Variants in KHDC4 observed in about 807,000 individuals in gnomAD.
KHDC4 encodes the protein KH domain containing 4, pre-mRNA splicing factor.
A neutral mutation model predicts 74.5 loss-of-function variants in KHDC4; 19 were observed. The observed-to-expected ratio is 0.26, with a 90% CI of 0.18 to 0.37. The LOEUF (loss-of-function observed/expected upper bound fraction) is 0.37, where lower values mean the gene tolerates loss of function less well. Among genes scored for constraint, KHDC4 ranks in the 10% least tolerant of loss-of-function variants. The pLI is 1.00. For synonymous variants in KHDC4, 253 were observed against 266.1 expected, an observed-to-expected ratio of 0.95 and a Z score of 0.48; for missense variants, 632 against 754.1, an observed-to-expected ratio of 0.84 and a Z score of 1.90.
intron 7 of KHDC4, 128 bp from the exon 8 acceptor site, chr1:155,923,815 C>T: frequency 1.6e-6 from 1 of 639,170 alleles, no homozygotes; most frequent in Non-Finnish European, 2.8e-6. Context: ...ATCTAGGCCT[C>T]TGAAAATCAC....
chr1:155,932,534 A>AG (rs1167825330), intron 2 of KHDC4: 2 of 151,980 alleles, frequency 1.3e-5, no homozygotes, highest in African/African-American at 4.9e-5. Flanking sequence ...TATTATTTTA[A>AG]GAAAAAAAAA....
intron 4 of KHDC4, 24 bp downstream of exon 4, chr1:155,929,272 T>C (rs753720721): frequency 2.6e-6 from 4 of 1,555,966 alleles, no homozygotes; most frequent in East Asian, 2.2e-5. Context: ...AACCCTTCCA[T>C]AAACAAGATA....
Position 155,925,757 on chromosome 1 carries a change from G to A in KHDC4, c.768C>T (p.Gly256=). 6.2e-7 allele frequency: 1 copy of A among 1,614,164 alleles called. No individual in the cohort carries two copies. The highest frequency in any genetic ancestry group is 1.1e-5 in the South Asian group (1 of 91,086). ...TCTGAATGTGCTGCAAATAGGAGCA[G>A]CCTGGACCTTCCACCTTCTCCTTGA... is the stretch of plus-strand genomic sequence containing the variant. ...FNVKEKVEGP[G]CSYLQHIQIE... is the part of the protein sequence containing the mutation. Residue 256 remains glycine, a synonymous_variant, in exon 7 of 14, where the codon GGC becomes GGT. Coordinates refer to ENST00000368321, the MANE Select transcript of KHDC4 (RefSeq NM_014949.4).
intron 10 of KHDC4, chr1:155,919,913 G>T: frequency 2.1e-6 from 1 of 470,146 alleles, no homozygotes; most frequent in Admixed American, 2.2e-5. Flanking sequence ...GTTACACACT[G>T]TGCAACCCCC....
At chr1:155,922,395 T>C (rs540351309) in intron 8 of KHDC4, among the ~76,000 whole-genome samples, 19 of 152,306 alleles carry the variant, frequency 1.2e-4, no homozygotes, top group Non-Finnish European at 2.4e-4. Context: ...TCTGCCCGCC[T>C]TGGCCTCCCA....
In KHDC4 at chr1:155,918,805, T is replaced by C. The variant is rs140686063; in HGVS notation, c.1267-1133A>G. Reference sequence around the variant, plus strand: ...AACACAGCTAACGTTTACTGACAGATTGGATCATCTTACTTAATCCTTGCA... The same window carrying C: ...AACACAGCTAACGTTTACTGACAGACTGGATCATCTTACTTAATCCTTGCA... On this transcript the variant is annotated intron_variant, in intron 10 of 13. Transcript: ENST00000368321. Among the ~76,000 whole-genome samples the C allele has an allele frequency of 5.9e-5, 9 of 152,280 alleles. 1 individual carries two copies. The highest frequency in any genetic ancestry group is 4.1e-4 in the South Asian group (2 of 4,828).
At chr1:155,916,558 T>C in intron 12 of KHDC4, 67 bp downstream of exon 12, 2 of 1,025,148 alleles carry the variant, frequency 2.0e-6, no homozygotes, top group South Asian at 2.7e-5. Context: ...ATAGCAATGA[T>C]CATTACTCTC....
intron 8 of KHDC4, among the ~76,000 whole-genome samples, chr1:155,923,199 A>G (rs1417167329): frequency 6.6e-6 from 1 of 152,186 alleles, no homozygotes; most frequent in Non-Finnish European, 1.5e-5. Flanking sequence ...AAAAAAAAAA[A>G]AAAGACAGTC....
At chr1:155,924,533 A>C (rs1455803450) in intron 7 of KHDC4, among the ~76,000 whole-genome samples, 1 of 150,650 alleles carries the variant, frequency 6.6e-6, no homozygotes, top group Non-Finnish European at 1.5e-5. Flanking sequence ...AAGGACTTGA[A>C]TACTAAAGAG....
chr1:155,915,918 C>T lies in KHDC4; in HGVS notation c.1600G>A (p.Glu534Lys), dbSNP rs775014820. The change falls in exon 13 of 14, where the codon GAG becomes AAG. Residue 534 changes from glutamate (E) to lysine (K), a missense_variant. By Grantham distance (56) the Glu-to-Lys change is moderately conservative. Coordinates refer to ENST00000368321, the MANE Select transcript of KHDC4 (RefSeq NM_014949.4). Reference protein sequence around the residue: ...PAFPVTGIKTESDERNGSGTL... With the variant: ...PAFPVTGIKTKSDERNGSGTL... Reference sequence around the variant, plus strand: ...CCAGACCCATTCCTTTCATCGGACTCTGTTTTTATTCCAGTCACTGGAAAG... The same window carrying T: ...CCAGACCCATTCCTTTCATCGGACTTTGTTTTTATTCCAGTCACTGGAAAG... 1 of 1,601,724 alleles carries T rather than the reference C, an allele frequency of 6.2e-7. No individual in the cohort carries two copies. The highest frequency in any genetic ancestry group is 8.5e-7 in the Non-Finnish European group (1 of 1,176,002).
At chr1:155,925,501 C>T in intron 7 of KHDC4, 131 bp downstream of exon 7, 1 of 721,052 alleles carries the variant, frequency 1.4e-6, no homozygotes, top group Admixed American at 2.4e-5. Context: ...AAAGTAATTA[C>T]TCCTAGCATT....
chr1:155,929,500 A>G, intron 3 of KHDC4, 125 bp from the exon 4 acceptor site: 1 of 1,004,868 alleles, frequency 1.0e-6, no homozygotes, highest in Admixed American at 2.5e-5. Flanking sequence ...TGTATCTGAA[A>G]TTTTGATTCC....
In KHDC4 at chr1:155,917,645, C is replaced by T. The variant is rs540646386; in HGVS notation, c.1294G>A (p.Ala432Thr). The T allele has an allele frequency of 5.0e-5, 80 of 1,586,826 alleles. No homozygotes were observed. The highest frequency in any genetic ancestry group is 3.3e-4 in the South Asian group (29 of 88,250). Residue 432 changes from alanine to threonine, a missense_variant, in exon 11 of 14, where the codon GCT becomes ACT. Ala to Thr is a moderately conservative substitution (Grantham distance 58, BLOSUM62 0). This residue lies in a region of KHDC4 where 254 missense variants were observed against 267.4 expected (regional missense o/e 0.95). Coordinates refer to ENST00000368321, the MANE Select transcript of KHDC4 (RefSeq NM_014949.4). ...GGCAAGGCAGTTTTGACAGGAGCAGCAGGAATAAAAGGACCACCCATCGGA... is the reference window on the plus strand; with the variant it reads ...GGCAAGGCAGTTTTGACAGGAGCAGTAGGAATAAAAGGACCACCCATCGGA... The part of the protein sequence containing the change: ...QSPMGGPFIP[A>T]APVKTALPAG...
At chr1:155,925,596 A>C in intron 7 of KHDC4, 36 bp downstream of exon 7, 1 of 1,562,616 alleles carries the variant, frequency 6.4e-7, no homozygotes, top group Non-Finnish European at 8.8e-7. Flanking sequence ...ACAAGTTGAC[A>C]AGAATTCACA....
Position 155,923,919 on chromosome 1 carries a change from C to T in KHDC4, c.894-232G>A, listed in dbSNP as rs183209253. On this transcript the variant is annotated intron_variant, in intron 7 of 13. Transcript: ENST00000368321. The stretch of plus-strand genomic sequence containing the variant: ...TCTTTCTCTGAGTAATGGTACTTCT[C>T]GATATAAAAATGTTTAAAGTTCATA... 2.1e-4 allele frequency among the ~76,000 whole-genome samples: 32 copies of T among 152,130 alleles called. No homozygotes were observed. The East Asian group carries it at 5.6e-3, about 27-fold the overall frequency.
chr1:155,923,788 C>G, intron 7 of KHDC4, 101 bp from the exon 8 acceptor site: 1 of 830,118 alleles, frequency 1.2e-6, no homozygotes, highest in Non-Finnish European at 2.0e-6. Flanking sequence ...TACATTAATA[C>G]ATTCACTGTA....
Position 155,929,391 on chromosome 1 carries a change from T to C in KHDC4, c.385-16A>G. On this transcript the variant is annotated splice_polypyrimidine_tract_variant and intron_variant, in intron 3 of 13. Coordinates refer to ENST00000368321, the MANE Select transcript of KHDC4 (RefSeq NM_014949.4). ...GTCGGCTGATCTAAAAAAGGAAATG[T>C]TCAATTAAAAAAATGTGGCAATTGG... The C allele has an allele frequency of 6.2e-7, 1 of 1,605,682 alleles. No homozygotes were observed. Among genetic ancestry groups the C allele is most frequent in the Non-Finnish European group, 8.5e-7 (1 of 1,173,900 alleles).
At chr1:155,928,468 T>C (rs866234199) in intron 4 of KHDC4, among the ~76,000 whole-genome samples, 3 of 152,048 alleles carry the variant, frequency 2.0e-5, no homozygotes, top group African/African-American at 4.8e-5. Context: ...GTTAAAAATG[T>C]TGCATTCCCT....
chr1:155,927,875 A>ACACACAC lies in KHDC4; in HGVS notation c.465-720_465-719insGTGTGTG, dbSNP rs1557970782. Reference sequence around the variant, plus strand: ...ACACACACACACACACACACACACAAAATTAATGGGGAAAGATTGATCATG... The same window carrying ACACACAC: ...ACACACACACACACACACACACACAACACACACAATTAATGGGGAAAGATTGATCATG... On this transcript the variant is annotated intron_variant, in intron 4 of 13. Coordinates refer to ENST00000368321, the MANE Select transcript of KHDC4 (RefSeq NM_014949.4). 2.0e-3 allele frequency among the ~76,000 whole-genome samples: 140 copies of ACACACAC among 71,672 alleles called. 2 individuals carry two copies. Among genetic ancestry groups the ACACACAC allele is most frequent in the African/African-American group, 7.0e-3 (135 of 19,180 alleles). The allele number at this position is 71,672 out of a possible 152,430, so 47.0% of individuals were successfully genotyped here. A position where few individuals can be genotyped will look rare whatever the true frequency, so the allele number is the denominator to read the frequency against.
Sources: gnomAD v4.1 joint callset for allele counts (sites outside exome capture counted in the v4.1 genomes callset) on GRCh38, gnomAD v4.1.1 for gene constraint, gnomAD v4.1.1 regional missense constraint, MANE v1.5 for transcripts, NCBI Gene and HGNC (gene_info 2026-07-23, HGNC 2026-07-21) for gene names.